Variants in TMEM51 observed in about 807,000 individuals in gnomAD.
The protein encoded by TMEM51 is transmembrane protein 51.
A neutral mutation model predicts 13.6 loss-of-function variants in TMEM51; 8 were observed. That is an observed-to-expected ratio of 0.59 (90% confidence interval 0.35 to 1.07). TMEM51 has a LOEUF of 1.07. TMEM51 is among the 50% of genes least tolerant of loss of function. TMEM51 has a pLI of 0.02. For synonymous variants in TMEM51, 147 were observed against 144.4 expected (o/e 1.02, Z -0.13); for missense variants, 279 against 330.7 (o/e 0.84, Z 1.21).
intron 3 of TMEM51, among the ~76,000 whole-genome samples, chr1:15,218,348 G>T (rs1436468218): frequency 6.6e-6 from 1 of 152,176 alleles, no homozygotes; most frequent in Non-Finnish European, 1.5e-5. Flanking sequence ...TTGACCAAAG[G>T]ACCCAGCTGA....
At chr1:15,209,433 T>C (rs140068265) in intron 1 of TMEM51, among the ~76,000 whole-genome samples, 166 of 152,258 alleles carry the variant, frequency 1.1e-3, no homozygotes, top group Middle Eastern at 6.8e-3. Context: ...TTTTAGTTTA[T>C]AGTCTTTGCG....
At chr1:15,201,074 C>A (rs899203615) in intron 1 of TMEM51, among the ~76,000 whole-genome samples, 2 of 152,224 alleles carry the variant, frequency 1.3e-5, no homozygotes, top group African/African-American at 4.8e-5. Context: ...ATTCCTTCAT[C>A]CAGATAAAAC....
At chr1:15,175,685 A>T (rs1643436847) in intron 1 of TMEM51, among the ~76,000 whole-genome samples, 1 of 152,234 alleles carries the variant, frequency 6.6e-6, no homozygotes, top group African/African-American at 2.4e-5. Context: ...CATGTCTTAC[A>T]TGGTGGCAGG....
At chr1:15,201,351 CAG>C (rs1327603840) in intron 1 of TMEM51, among the ~76,000 whole-genome samples, 8 of 150,410 alleles carry the variant, frequency 5.3e-5, no homozygotes, top group African/African-American at 1.7e-4. Context: ...AAAAACAAAA[CAG>C]AATACATAAA....
chr1:15,162,801 G>A (rs1642830014), intron 1 of TMEM51, among the ~76,000 whole-genome samples: 1 of 152,052 alleles, frequency 6.6e-6, no homozygotes. Context: ...ACTTGTATGA[G>A]GAATCTAGAC....
chr1:15,204,568 C>T (rs1557853972), intron 1 of TMEM51, among the ~76,000 whole-genome samples: 1 of 152,162 alleles, frequency 6.6e-6, no homozygotes, highest in African/African-American at 2.4e-5. Context: ...GAACTCTGCC[C>T]TGCCTTGGTG....
intron 1 of TMEM51, 86 bp from the exon 2 acceptor site, chr1:15,210,400 CAAAG>C (rs1391756793): frequency 1.3e-5 from 2 of 152,072 alleles, no homozygotes; most frequent in African/African-American, 4.8e-5. Flanking sequence ...CCCTAAAAAA[CAAAG>C]AAAACACATG....
intron 1 of TMEM51, 131 bp from the exon 2 acceptor site, chr1:15,210,359 T>A (rs906220514): frequency 3.9e-5 from 6 of 152,348 alleles, no homozygotes; most frequent in Non-Finnish European, 8.8e-5. Context: ...TTGTCTTGCA[T>A]AGATACCTAC....
In TMEM51 at chr1:15,217,238, A is replaced by G. The variant is rs549486056; in HGVS notation, c.344+1807A>G. 9.8e-5 allele frequency among the ~76,000 whole-genome samples: 15 copies of G among 152,304 alleles called. No individual in the cohort carries two copies. In the South Asian group the frequency reaches 1.2e-3, roughly 13 times the overall value. ...ATATTGAAGGGATTTCTGCCCTCCA[A>G]TGTTACCAGTTACCACCCCTTTCCA... is the stretch of plus-strand genomic sequence containing the variant. On this transcript the variant is annotated intron_variant, in intron 3 of 3. Coordinates refer to ENST00000376008, the MANE Select transcript of TMEM51 (RefSeq NM_001136218.2).
chr1:15,179,325 C>T (rs570325299), intron 1 of TMEM51, among the ~76,000 whole-genome samples: 26 of 152,276 alleles, frequency 1.7e-4, no homozygotes, highest in African/African-American at 6.0e-4. Context: ...GTGGAGGAAA[C>T]ATCCCAGCTG....
intron 1 of TMEM51, among the ~76,000 whole-genome samples, chr1:15,204,645 G>A (rs183354249): frequency 9.8e-5 from 15 of 152,332 alleles, no homozygotes; most frequent in African/African-American, 3.4e-4. Flanking sequence ...GTGGACAGGC[G>A]CTGCCACTTA....
At chr1:15,192,246 A>G in intron 1 of TMEM51, 1 of 319,624 alleles carries the variant, frequency 3.1e-6, no homozygotes, top group South Asian at 2.7e-5. Context: ...GTGGTCTTTC[A>G]CTTAGTTTTT....
intron 1 of TMEM51, among the ~76,000 whole-genome samples, chr1:15,159,986 T>A (rs1178383399): frequency 6.6e-6 from 1 of 152,144 alleles, no homozygotes. Flanking sequence ...GAGCAAGTTC[T>A]TTTTTTTAAG....
At chr1:15,182,202 A>AATGAATG (rs1553200251) in intron 1 of TMEM51, among the ~76,000 whole-genome samples, 10 of 84,484 alleles carry the variant, frequency 1.2e-4, no homozygotes, top group South Asian at 3.5e-4. Flanking sequence ...ATAAATAAAT[A>AATGAATG]AATAACTGCA....
At chr1:15,162,494 G>A (rs1642816608) in intron 1 of TMEM51, among the ~76,000 whole-genome samples, 1 of 152,012 alleles carries the variant, frequency 6.6e-6, no homozygotes, top group African/African-American at 2.4e-5. Context: ...GATTTGGAGA[G>A]GACCAATATC....
rs3078880 is a variant in TMEM51, at chr1:15,192,470, T to TTTTTTTTTTTTTTTTTTTTTTTTTTTTTA, written c.-266-18020_-266-18019insTTTTTTTTTTTTTTTTTTTTTTTTTTTTA. The TTTTTTTTTTTTTTTTTTTTTTTTTTTTTA allele has an allele frequency of 8.4e-5, 21 of 250,818 alleles. 2 individuals carry two copies. The highest frequency in any genetic ancestry group is 2.7e-4 in the South Asian group (7 of 25,870). 15.5% of individuals were successfully genotyped at this position (250,818 alleles called of 1,614,324 possible). The stretch of plus-strand genomic sequence containing the variant: ...TCTTTCTTTTCTTTTCCTTTTTTTT[T>TTTTTTTTTTTTTTTTTTTTTTTTTTTTTA]ATGACAGAATCTTGCTCTGCTGCCC... On this transcript the variant is annotated intron_variant, in intron 1 of 3. Coordinates refer to ENST00000376008, the MANE Select transcript of TMEM51 (RefSeq NM_001136218.2).
chr1:15,202,416 CATTT>C (rs1382147321), intron 1 of TMEM51, among the ~76,000 whole-genome samples: 1 of 152,212 alleles, frequency 6.6e-6, no homozygotes, highest in East Asian at 1.9e-4. Flanking sequence ...AAACAACACA[CATTT>C]ATTGTCTTGC....
At chr1:15,206,562 C>T (rs1644254518) in intron 1 of TMEM51, among the ~76,000 whole-genome samples, 1 of 152,106 alleles carries the variant, frequency 6.6e-6, no homozygotes, top group South Asian at 2.1e-4. Context: ...GGCTGTGTGG[C>T]CCAGGGCAAA....
At chr1:15,194,777 G>A (rs1359147756) in intron 1 of TMEM51, among the ~76,000 whole-genome samples, 3 of 151,752 alleles carry the variant, frequency 2.0e-5, no homozygotes, top group Non-Finnish European at 4.4e-5. Flanking sequence ...ATGATATTGC[G>A]TTCTGTCTCA....
Sources: allele counts gnomAD v4.1 joint callset (sites outside exome capture counted in the v4.1 genomes callset), GRCh38; gene constraint gnomAD v4.1.1; transcripts MANE v1.5; gene names NCBI Gene and HGNC (gene_info 2026-07-23, HGNC 2026-07-21).